Variants in CEP112 observed in about 807,000 individuals in gnomAD.
The protein encoded by CEP112 is centrosomal protein 112.
Under a neutral mutation model 153.0 loss-of-function variants are expected in CEP112, and 127 were observed. That is an observed-to-expected ratio of 0.83 (90% CI 0.72 to 0.96). CEP112 has a LOEUF of 0.96. Ranked by LOEUF, CEP112 falls within the 40% of genes least tolerant of loss-of-function variation. The probability of loss-of-function intolerance (pLI) is 0.00; values close to 1 mark genes in which losing one functional copy is unlikely to be tolerated. For missense variants in CEP112, 1,089 were observed against 1,101.2 expected (o/e 0.99, Z 0.16); for synonymous variants, 358 against 374.4 (o/e 0.96, Z 0.51).
At chr17:66,178,251 C>T (rs1283196318) in intron 2 of CEP112, among the ~76,000 whole-genome samples, 1 of 152,162 alleles carries the variant, frequency 6.6e-6, no homozygotes, top group African/African-American at 2.4e-5. Context: ...TGGATAAAAG[C>T]CATTTTAACT....
intron 12 of CEP112, among the ~76,000 whole-genome samples, chr17:66,034,974 A>ATGTGTGTGTGTGTGTGTGTGTG (rs1568411223): frequency 0.2 from 5,383 of 27,438 alleles, 985 homozygotes; most frequent in Middle Eastern, 0.31. Flanking sequence ...AAGTTTTTGC[A>ATGTGTGTGTGTGTGTGTGTGTG]TGTATATATA....
intron 18 of CEP112, among the ~76,000 whole-genome samples, chr17:65,945,353 C>T (rs1018229310): frequency 6.6e-6 from 1 of 152,136 alleles, no homozygotes; most frequent in Admixed American, 6.5e-5. Context: ...TATTCTAGTA[C>T]ATGTCTTTTT....
chr17:65,897,190 T>A (rs2059686419), intron 20 of CEP112, among the ~76,000 whole-genome samples: 1 of 152,008 alleles, frequency 6.6e-6, no homozygotes, highest in Non-Finnish European at 1.5e-5. Flanking sequence ...TTCATTAGGC[T>A]GGGGGAAAAA....
At chr17:65,832,579 A>T (rs2146130412) in intron 21 of CEP112, among the ~76,000 whole-genome samples, 1 of 152,180 alleles carries the variant, frequency 6.6e-6, no homozygotes, top group African/African-American at 2.4e-5. Flanking sequence ...GAACACCCCT[A>T]TGCATACAAA....
intron 21 of CEP112, among the ~76,000 whole-genome samples, chr17:65,755,642 T>G (rs765975311): frequency 5.9e-5 from 9 of 151,830 alleles, no homozygotes; most frequent in Admixed American, 1.3e-4. Flanking sequence ...GGGGTCAGAT[T>G]GGAGAAAAAT....
chr17:65,841,497 G>T (rs758064554), intron 21 of CEP112, among the ~76,000 whole-genome samples: 1 of 151,980 alleles, frequency 6.6e-6, no homozygotes, highest in African/African-American at 2.4e-5. Flanking sequence ...AGGCTGGGAA[G>T]GGTAAAGAGG....
At chr17:65,889,109 G>A (rs1162424200) in intron 20 of CEP112, among the ~76,000 whole-genome samples, 1 of 152,072 alleles carries the variant, frequency 6.6e-6, no homozygotes, top group African/African-American at 2.4e-5. Flanking sequence ...TGGAGATGCT[G>A]GACTGGTTGG....
intron 5 of CEP112, among the ~76,000 whole-genome samples, chr17:66,130,316 A>C (rs555890092): frequency 6.6e-6 from 1 of 152,316 alleles, no homozygotes; most frequent in East Asian, 1.9e-4. Flanking sequence ...AGTAGCTTTA[A>C]AGTGTATTGT....
At chr17:65,964,152 G>A (rs2062324426) in intron 17 of CEP112, among the ~76,000 whole-genome samples, 2 of 152,174 alleles carry the variant, frequency 1.3e-5, no homozygotes, top group South Asian at 4.1e-4. Flanking sequence ...AATGAACTGG[G>A]ACCTGGGTAT....
At chr17:66,108,231 TGG>T in intron 6 of CEP112, among the ~76,000 whole-genome samples, 1 of 151,996 alleles carries the variant, frequency 6.6e-6, no homozygotes, top group Non-Finnish European at 1.5e-5. Flanking sequence ...TCCAGGACAT[TGG>T]AGTGGGCAAA....
intron 4 of CEP112, among the ~76,000 whole-genome samples, chr17:66,156,138 G>A (rs528457797): frequency 1.3e-5 from 2 of 152,218 alleles, no homozygotes; most frequent in South Asian, 2.1e-4. Context: ...GGAGAGCTCC[G>A]GCTGGCATCT....
intron 21 of CEP112, among the ~76,000 whole-genome samples, chr17:65,822,796 AAACTATTAAGAAACAGG>A (rs1347059270): frequency 1.3e-5 from 2 of 152,162 alleles, no homozygotes; most frequent in Non-Finnish European, 2.9e-5. Flanking sequence ...TTCATAGGGA[AAACTATTAAGAAACAGG>A]TATTCAGCTA....
chr17:65,946,080 G>A (rs1210274070), intron 18 of CEP112, among the ~76,000 whole-genome samples: 1 of 152,202 alleles, frequency 6.6e-6, no homozygotes. Flanking sequence ...TTCTGGATAT[G>A]AGTCTTTTGT....
At chr17:66,095,770 C>A (rs2146275823) in intron 8 of CEP112, among the ~76,000 whole-genome samples, 1 of 152,262 alleles carries the variant, frequency 6.6e-6, no homozygotes, top group Non-Finnish European at 1.5e-5. Flanking sequence ...ATGTTGTACA[C>A]AATAAACATC....
At chr17:66,079,594 T>C (rs559688538) in intron 8 of CEP112, among the ~76,000 whole-genome samples, 3 of 152,328 alleles carry the variant, frequency 2.0e-5, no homozygotes, top group Non-Finnish European at 4.4e-5. Flanking sequence ...AAGTAATTTA[T>C]AGATTCAATG....
chr17:65,878,359 T>C (rs1250066311), intron 20 of CEP112, among the ~76,000 whole-genome samples: 3 of 152,124 alleles, frequency 2.0e-5, no homozygotes, highest in Non-Finnish European at 4.4e-5. Context: ...ATACCCCCAA[T>C]GAAGCTGAAA....
chr17:66,188,767 T>C (rs1428261037), intron 1 of CEP112, among the ~76,000 whole-genome samples: 1 of 152,188 alleles, frequency 6.6e-6, no homozygotes. Context: ...ATTCCATCAG[T>C]TATGCACGTG....
At chr17:65,907,458 T>A (rs2060126008) in intron 19 of CEP112, among the ~76,000 whole-genome samples, 1 of 152,164 alleles carries the variant, frequency 6.6e-6, no homozygotes, top group Non-Finnish European at 1.5e-5. Context: ...CTTTTAAATA[T>A]CATTCACTTT....
intron 19 of CEP112, among the ~76,000 whole-genome samples, chr17:65,909,611 ACTTG>A (rs1419520588): frequency 6.6e-6 from 1 of 152,230 alleles, no homozygotes; most frequent in Non-Finnish European, 1.5e-5. Context: ...TACTGAACAT[ACTTG>A]GCACTGGAAA....
Sources: allele counts gnomAD v4.1 joint callset (sites outside exome capture counted in the v4.1 genomes callset), GRCh38; gene constraint gnomAD v4.1.1; transcripts MANE v1.5; gene names NCBI Gene and HGNC (gene_info 2026-07-23, HGNC 2026-07-21).